JMJD1C: variants seen among roughly 807,000 people sequenced by gnomAD.
JMJD1C encodes the protein jumonji domain containing 1C.
A neutral mutation model predicts 245.3 loss-of-function variants in JMJD1C; 31 were observed. The ratio of observed to expected loss-of-function variants is 0.13; its 90% CI spans 0.09 to 0.17. The LOEUF is 0.17. Among genes scored for constraint, JMJD1C ranks in the 10% least tolerant of loss-of-function variants. The probability of loss-of-function intolerance (pLI) is 1.00; values close to 1 mark genes in which losing one functional copy is unlikely to be tolerated. For synonymous variants in JMJD1C, 1,057 were observed against 1,017.4 expected (o/e 1.04, Z -0.74); for missense variants, 2,691 against 3,000.2 (o/e 0.90, Z 2.41).
intron 2 of JMJD1C, among the ~76,000 whole-genome samples, chr10:63,278,831 C>T (rs1276704049): frequency 7.5e-6 from 1 of 132,522 alleles, no homozygotes; most frequent in Non-Finnish European, 1.6e-5. Context: ...AAGAGCAAAA[C>T]TCCCATCTCA....
At chr10:63,325,443 A>C (rs1458915596) in intron 2 of JMJD1C, among the ~76,000 whole-genome samples, 1 of 152,070 alleles carries the variant, frequency 6.6e-6, no homozygotes, top group Non-Finnish European at 1.5e-5. Flanking sequence ...GCGCTCAATC[A>C]ATTTTTATCC....
chr10:63,355,525 G>C (rs1158060890), intron 2 of JMJD1C, among the ~76,000 whole-genome samples: 1 of 152,028 alleles, frequency 6.6e-6, no homozygotes, highest in Non-Finnish European at 1.5e-5. Context: ...TTGAAACAGA[G>C]CCTAAATTTA....
chr10:63,240,111 C>G lies in JMJD1C; in HGVS notation c.448-20128G>C, dbSNP rs1166905676. On this transcript the variant is annotated intron_variant, in intron 3 of 25. Transcript: ENST00000399262. The stretch of plus-strand genomic sequence containing the variant: ...AATTTTGTATGAATACTGCCTGGCA[C>G]AGAGAAGATGCTTAGTAAACAGTTA... 2.0e-5 allele frequency among the ~76,000 whole-genome samples: 3 copies of G among 152,162 alleles called. No individual in the cohort carries two copies. In the East Asian group the frequency reaches 5.8e-4, roughly 29 times the overall value.
chr10:63,323,145 T>C (rs1941107380), intron 2 of JMJD1C, among the ~76,000 whole-genome samples: 1 of 152,128 alleles, frequency 6.6e-6, no homozygotes, highest in Non-Finnish European at 1.5e-5. Context: ...AACAAAGCTG[T>C]AATGACAGCT....
rs1263523080 is a variant in JMJD1C at position 63,172,927 on chromosome 10, G to C, written c.7401+3370C>G. Among the ~76,000 whole-genome samples the C allele has an allele frequency of 3.4e-5, 5 of 148,880 alleles. No individual in the cohort carries two copies. The South Asian group carries it at 6.6e-4, about 20-fold the overall frequency. On this transcript the variant is annotated intron_variant, in intron 24 of 25. Transcript: ENST00000399262. ...AGATGAAGGCAGTGAGACAGAGGGG[G>C]AAGTGTGGATATGTAAACCAACCTA...
intron 1 of JMJD1C, among the ~76,000 whole-genome samples, chr10:63,491,739 T>C (rs1292203486): frequency 1.3e-5 from 2 of 152,232 alleles, no homozygotes; most frequent in African/African-American, 4.8e-5. Context: ...TAACAGCTTA[T>C]AGCTACAACC....
chr10:63,427,384 T>C, intron 1 of JMJD1C: 1 of 1,082,206 alleles, frequency 9.2e-7, no homozygotes, highest in East Asian at 2.9e-5. Context: ...CCCAAATCCC[T>C]ATAGCAAACA....
chr10:63,432,988 C>G (rs192297092), intron 1 of JMJD1C, among the ~76,000 whole-genome samples: 2 of 152,180 alleles, frequency 1.3e-5, no homozygotes, highest in Non-Finnish European at 1.5e-5. Flanking sequence ...GTCCTGAGTT[C>G]TTCTCTTCAC....
At chr10:63,511,326 T>A (rs1954865521) in intron 1 of JMJD1C, among the ~76,000 whole-genome samples, 1 of 152,238 alleles carries the variant, frequency 6.6e-6, no homozygotes, top group Non-Finnish European at 1.5e-5. Flanking sequence ...TTTCTTGGCA[T>A]ATTGATTATA....
At chr10:63,484,228 GGATGGATGGATAGATAGATAGATAGATA>G (rs1315772895) in intron 1 of JMJD1C, among the ~76,000 whole-genome samples, 38 of 63,136 alleles carry the variant, frequency 6.0e-4, no homozygotes, top group African/African-American at 7.3e-4. Context: ...ATGGATGGAT[GGATGGATGGATAGATAGATAGATAGATA>G]GATAGATAGA....
intron 2 of JMJD1C, among the ~76,000 whole-genome samples, chr10:63,289,876 C>T (rs1858432009): frequency 6.6e-6 from 1 of 151,842 alleles, no homozygotes; most frequent in South Asian, 2.1e-4. Context: ...AACCTGATTA[C>T]AGGCAAAAAT....
intron 1 of JMJD1C, among the ~76,000 whole-genome samples, chr10:63,447,144 AG>A (rs780845476): frequency 6.6e-6 from 1 of 152,130 alleles, no homozygotes; most frequent in Non-Finnish European, 1.5e-5. Context: ...AACAAGAGGA[AG>A]GAACAGTAAG....
chr10:63,376,258 C>G (rs968471396), intron 2 of JMJD1C, among the ~76,000 whole-genome samples: 1 of 152,164 alleles, frequency 6.6e-6, no homozygotes, highest in African/African-American at 2.4e-5. Flanking sequence ...TGGACCCTTA[C>G]ATGATATTCC....
chr10:63,296,807 T>C (rs1046234424), intron 2 of JMJD1C, among the ~76,000 whole-genome samples: 10 of 152,214 alleles, frequency 6.6e-5, no homozygotes, highest in Non-Finnish European at 1.2e-4. Context: ...CTGTAAAAGA[T>C]AGTCTCTCCT....
At chr10:63,286,458 G>A (rs1857989080) in intron 2 of JMJD1C, among the ~76,000 whole-genome samples, 1 of 152,200 alleles carries the variant, frequency 6.6e-6, no homozygotes, top group Non-Finnish European at 1.5e-5. Flanking sequence ...ATATCTCAGA[G>A]CAGAGCACCT....
At position 63,214,750 on chromosome 10, in the gene JMJD1C, G is replaced by A. The variant is rs767164202; in HGVS notation, c.1417C>T (p.His473Tyr). ...HSSEQSTVSD[H>Y]NSNDLLPQEC... ...TGAGGAAGTAAATCATTAGAATTATGATCAGAAACTGTGGACTGTTCTGAC... is the reference window on the plus strand; with the variant it reads ...TGAGGAAGTAAATCATTAGAATTATAATCAGAAACTGTGGACTGTTCTGAC... The change falls in exon 8 of 26, where the codon CAT (histidine) becomes TAT (tyrosine). Residue 473 changes from histidine to tyrosine, a missense_variant. Transcript: ENST00000399262. The A allele has an allele frequency of 2.5e-6, 4 of 1,613,758 alleles. No individual in the cohort carries two copies. Among genetic ancestry groups the A allele is most frequent in the South Asian group, 2.2e-5 (2 of 91,056 alleles).
chr10:63,179,428 G>T (rs1338036899), intron 22 of JMJD1C, among the ~76,000 whole-genome samples: 1 of 147,770 alleles, frequency 6.8e-6, no homozygotes, highest in Non-Finnish European at 1.5e-5. Context: ...AAAGAAAAAA[G>T]AAAAAAAGAA....
At chr10:63,386,417 C>T (rs773942088) in intron 1 of JMJD1C, among the ~76,000 whole-genome samples, 1 of 152,214 alleles carries the variant, frequency 6.6e-6, no homozygotes, top group Non-Finnish European at 1.5e-5. Context: ...CACTGGTAGT[C>T]TGGGGATCAT....
intron 2 of JMJD1C, among the ~76,000 whole-genome samples, chr10:63,309,100 C>A (rs1389720332): frequency 6.6e-6 from 1 of 152,026 alleles, no homozygotes; most frequent in African/African-American, 2.4e-5. Flanking sequence ...ACAACAACAA[C>A]AAAAAACCTC....
Sources: allele counts gnomAD v4.1 joint callset (sites outside exome capture counted in the v4.1 genomes callset), GRCh38; gene constraint gnomAD v4.1.1; transcripts MANE v1.5; gene names NCBI Gene and HGNC (gene_info 2026-07-23, HGNC 2026-07-21).